WIF1: variants seen among roughly 807,000 people sequenced by gnomAD.
WIF1 encodes Wnt inhibitory factor 1.
Under a neutral mutation model 53.5 loss-of-function variants are expected in WIF1, and 35 were observed. The observed-to-expected ratio is 0.65, with a 90% CI of 0.50 to 0.87. WIF1 has a LOEUF of 0.87. Ranked by LOEUF, WIF1 falls within the 40% of genes least tolerant of loss-of-function variation. The pLI is 0.00. For missense variants in WIF1, 467 were observed against 476.8 expected (o/e 0.98, Z 0.19); for synonymous variants, 171 against 170.4 (o/e 1.00, Z -0.03).
chr12:65,079,993 A>G (rs1291338260), intron 2 of WIF1, among the ~76,000 whole-genome samples: 1 of 152,188 alleles, frequency 6.6e-6, no homozygotes, highest in Non-Finnish European at 1.5e-5. Flanking sequence ...TACAACATGA[A>G]AGATATTAAG....
At chr12:65,085,995 T>C (rs759225549) in intron 2 of WIF1, among the ~76,000 whole-genome samples, 70 of 152,220 alleles carry the variant, frequency 4.6e-4, no homozygotes, top group Non-Finnish European at 4.6e-4. Flanking sequence ...TGTCTAAAGA[T>C]AGAGAAGCAA....
chr12:65,086,235 T>G (rs1184058741), intron 2 of WIF1, among the ~76,000 whole-genome samples: 8 of 152,044 alleles, frequency 5.3e-5, no homozygotes, highest in Non-Finnish European at 1.0e-4. Flanking sequence ...TTTGCCAAAA[T>G]TTATAATGGA....
intron 2 of WIF1, among the ~76,000 whole-genome samples, chr12:65,095,493 C>G (rs529957380): frequency 2.0e-5 from 3 of 152,142 alleles, no homozygotes; most frequent in African/African-American, 7.2e-5. Context: ...ATTATAATTC[C>G]TAGAGGCAGA....
chr12:65,101,011 T>C (rs1308576843), intron 2 of WIF1, among the ~76,000 whole-genome samples: 1 of 152,186 alleles, frequency 6.6e-6, no homozygotes, highest in African/African-American at 2.4e-5. Context: ...GAGTTAACTA[T>C]ATATGAATGC....
intron 6 of WIF1, among the ~76,000 whole-genome samples, chr12:65,064,466 C>G (rs1882658693): frequency 6.6e-6 from 1 of 152,130 alleles, no homozygotes; most frequent in Non-Finnish European, 1.5e-5. Context: ...GAAAGTTATT[C>G]TTTAATATTT....
At chr12:65,120,678 C>G (rs1482312524) in intron 1 of WIF1, 122 bp from the exon 2 acceptor site, 4 of 1,149,122 alleles carry the variant, frequency 3.5e-6, no homozygotes, top group Non-Finnish European at 4.9e-6. Flanking sequence ...AAGCATCTGC[C>G]TTCAGTACCA....
chr12:65,055,785 AC>A (rs1882515439), intron 8 of WIF1, among the ~76,000 whole-genome samples: 1 of 152,248 alleles, frequency 6.6e-6, no homozygotes, highest in Non-Finnish European at 1.5e-5. Context: ...AAAAAACAAA[AC>A]AAAACAAAAC....
chr12:65,059,645 ATT>A (rs1882581071), intron 7 of WIF1, among the ~76,000 whole-genome samples: 1 of 151,362 alleles, frequency 6.6e-6, no homozygotes, highest in Admixed American at 6.6e-5. Context: ...AGATGGTATC[ATT>A]GTTTTTTACT....
chr12:65,116,216 C>T (rs1325549615), intron 2 of WIF1, among the ~76,000 whole-genome samples: 3 of 152,142 alleles, frequency 2.0e-5, no homozygotes, highest in South Asian at 2.1e-4. Flanking sequence ...CCCCAACCCT[C>T]GGGGCACATG....
intron 9 of WIF1, among the ~76,000 whole-genome samples, chr12:65,051,848 A>G (rs1882446672): frequency 6.6e-6 from 1 of 152,176 alleles, no homozygotes; most frequent in African/African-American, 2.4e-5. Context: ...CTGCAAACCT[A>G]ACCTAGCTGA....
chr12:65,062,498 C>G lies in WIF1; in HGVS notation c.809G>C (p.Gly270Ala), dbSNP rs1435483862. The G allele has an allele frequency of 6.2e-7, 1 of 1,606,864 alleles. No individual in the cohort carries two copies. Among genetic ancestry groups the G allele is most frequent in the Non-Finnish European group, 8.5e-7 (1 of 1,175,852 alleles). Reference protein sequence around the residue: ...GKCICPPGLEGEQCEISKCPQ... With the variant: ...GKCICPPGLEAEQCEISKCPQ... The stretch of plus-strand genomic sequence containing the variant: ...ATACTCACTGATTTCACACTGCTCT[C>G]CCTCTAGTCCTGGAGGGCAAATACA... Residue 270 changes from glycine (G) to alanine (A), a missense_variant, in exon 7 of 10, where the codon GGA becomes GCA. Physicochemically the swap from Gly to Ala is moderately conservative, Grantham distance 60. Transcript: ENST00000286574.
intron 6 of WIF1, among the ~76,000 whole-genome samples, chr12:65,066,065 C>T (rs1315178153): frequency 3.3e-5 from 5 of 152,130 alleles, no homozygotes; most frequent in African/African-American, 1.2e-4. Flanking sequence ...TTAGGACATA[C>T]TAAAATTCCA....
chr12:65,068,727 A>ACAACATGTC, intron 4 of WIF1, 37 bp downstream of exon 4: 1 of 1,608,520 alleles, frequency 6.2e-7, no homozygotes, highest in South Asian at 1.1e-5. Context: ...CTAAGCCCTT[A>ACAACATGTC]CAACATGTCT....
In WIF1 at chr12:65,071,864, G is replaced by A. The variant is rs540659212; in HGVS notation, c.398-2960C>T. 9.2e-5 allele frequency among the ~76,000 whole-genome samples: 14 copies of A among 152,164 alleles called. No homozygotes were observed. The East Asian group carries it at 2.5e-3, about 27-fold the overall frequency. On this transcript the variant is annotated intron_variant, in intron 3 of 9. Transcript: ENST00000286574. ...TCAATGAATTATTATTTTTTTCACT[G>A]AGGACATCTTGAGCCAGATCAACAA...
Position 65,067,782 on chromosome 12 carries a change from G to T in WIF1, c.547C>A (p.Pro183Thr), listed in dbSNP as rs768447787. ...FFKTCQQAECPGGCRNGGFCN... is the reference protein window; with the variant it reads ...FFKTCQQAECTGGCRNGGFCN... ...AAGCCTCCATTTCGGCACCCGCCTG[G>T]GCACTCAGCTTCAGCAGAGAGAAAC... The change falls in exon 5 of 10, where the codon CCA (proline) becomes ACA (threonine). Residue 183 changes from proline to threonine, a missense_variant. Physicochemically the swap from Pro to Thr is conservative, Grantham distance 38 (BLOSUM62 -1). Transcript: ENST00000286574. 1 of 1,613,070 alleles carries T rather than the reference G, an allele frequency of 6.2e-7. No individual in the cohort carries two copies. The highest frequency in any genetic ancestry group is 8.5e-7 in the Non-Finnish European group (1 of 1,179,326).
intron 2 of WIF1, among the ~76,000 whole-genome samples, chr12:65,088,792 A>G (rs1883080339): frequency 6.6e-6 from 1 of 151,654 alleles, no homozygotes. Context: ...CTATAATTGC[A>G]CCTCAAAAAA....
chr12:65,120,333 G>A (rs1883581036), intron 2 of WIF1, 84 bp downstream of exon 2: 2 of 1,348,744 alleles, frequency 1.5e-6, no homozygotes, highest in African/African-American at 2.9e-5. Flanking sequence ...ACTGTAAAAT[G>A]TACCAGGCTA....
In WIF1 at chr12:65,106,373, A is replaced by ATAT. The variant is rs1555188075; in HGVS notation, c.288+14043_288+14044insATA. ...TATATATATGATCATATATATATAT[A>ATAT]TTTTTTTTTATTTTTTTTGTTTTTG... On this transcript the variant is annotated intron_variant, in intron 2 of 9. Coordinates refer to ENST00000286574, the MANE Select transcript of WIF1 (RefSeq NM_007191.5). Among the ~76,000 whole-genome samples the ATAT allele has an allele frequency of 7.9e-3, 1,123 of 142,394 alleles. 16 individuals carry two copies. The highest frequency in any genetic ancestry group is 0.03 in the African/African-American group (1,074 of 36,352). The allele number at this position is 142,394 out of a possible 152,430, so 93.4% of individuals were successfully genotyped here. A position where few individuals can be genotyped will look rare whatever the true frequency, so the allele number is the denominator to read the frequency against.
intron 7 of WIF1, among the ~76,000 whole-genome samples, chr12:65,060,593 G>A (rs988130692): frequency 4.6e-5 from 7 of 152,180 alleles, no homozygotes; most frequent in African/African-American, 1.7e-4. Flanking sequence ...TTCTTTTGGG[G>A]ATGATAACAT....
Sources: allele counts gnomAD v4.1 joint callset (sites outside exome capture counted in the v4.1 genomes callset), GRCh38; gene constraint gnomAD v4.1.1; transcripts MANE v1.5; gene names NCBI Gene and HGNC (gene_info 2026-07-23, HGNC 2026-07-21).